MAP4K5: variants seen among roughly 807,000 people sequenced by gnomAD.
The protein encoded by MAP4K5 is mitogen-activated protein kinase kinase kinase kinase 5.
A neutral mutation model predicts 135.6 loss-of-function variants in MAP4K5; 82 were observed. That is an observed-to-expected ratio of 0.60 (90% CI 0.51 to 0.73). MAP4K5 has a LOEUF of 0.73. Ranked by LOEUF, MAP4K5 falls within the 30% of genes least tolerant of loss-of-function variation. The probability of loss-of-function intolerance (pLI) is 0.00; values close to 1 mark genes in which losing one functional copy is unlikely to be tolerated. For synonymous variants in MAP4K5, 347 were observed against 335.0 expected (o/e 1.04, Z -0.39); for missense variants, 907 against 1,010.9 (o/e 0.90, Z 1.39).
chr14:50,480,403 CTT>C (rs11412178), intron 6 of MAP4K5, among the ~76,000 whole-genome samples: 4 of 143,350 alleles, frequency 2.8e-5, no homozygotes, highest in African/African-American at 2.6e-5. Context: ...CTCATTCTTT[CTT>C]TTTTTTTTTT....
intron 25 of MAP4K5, 135 bp downstream of exon 25, chr14:50,437,759 C>A (rs2036129796): frequency 2.9e-6 from 2 of 681,182 alleles, no homozygotes; most frequent in Non-Finnish European, 5.0e-6. Context: ...TTCAGCTTTT[C>A]CAGATATAAT....
rs541839357 is a variant in MAP4K5, at chr14:50,517,443, C to T, written c.109-12586G>A. Among the ~76,000 whole-genome samples, 18 of 151,790 alleles carry T rather than the reference C, an allele frequency of 1.2e-4. No homozygotes were observed. In the East Asian group the frequency reaches 2.8e-3, roughly 23 times the overall value. On this transcript the variant is annotated intron_variant, in intron 2 of 32. Coordinates refer to ENST00000682126, the MANE Select transcript of MAP4K5 (RefSeq NM_006575.6). ...CTGGGATTACAGGAATGAGCCACCG[C>T]GCCCAGCCTACAATATTTTTAAGTT...
At chr14:50,442,564 G>A (rs968031624) in intron 21 of MAP4K5, among the ~76,000 whole-genome samples, 168 bp downstream of exon 21, 2 of 151,884 alleles carry the variant, frequency 1.3e-5, no homozygotes, top group Admixed American at 1.3e-4. Flanking sequence ...AAATTTTAAC[G>A]CCTTTAAACC....
chr14:50,489,950 T>C (rs945885754), intron 3 of MAP4K5, among the ~76,000 whole-genome samples: 1 of 152,130 alleles, frequency 6.6e-6, no homozygotes, highest in Non-Finnish European at 1.5e-5. Context: ...AGACCGAAAG[T>C]ACAGGTTGTT....
intron 18 of MAP4K5, 142 bp downstream of exon 18, chr14:50,444,899 A>G (rs2036307823): frequency 4.5e-6 from 4 of 880,650 alleles, no homozygotes; most frequent in Non-Finnish European, 6.7e-6. Context: ...GCTTTAAGCT[A>G]TAATAGGATT....
intron 28 of MAP4K5, among the ~76,000 whole-genome samples, chr14:50,429,516 G>C (rs942465777): frequency 2.6e-5 from 4 of 152,100 alleles, no homozygotes; most frequent in Admixed American, 2.0e-4. Context: ...ATCTACAAAG[G>C]TGAATCACAA....
At chr14:50,521,249 C>G (rs1019349752) in intron 2 of MAP4K5, among the ~76,000 whole-genome samples, 1 of 152,148 alleles carries the variant, frequency 6.6e-6, no homozygotes, top group African/African-American at 2.4e-5. Flanking sequence ...TAAAGTTTTA[C>G]GTATTGAAAT....
chr14:50,559,178 G>A (rs1395093166), intron 1 of MAP4K5: 2 of 152,234 alleles, frequency 1.3e-5, no homozygotes, highest in African/African-American at 4.8e-5. Context: ...TGTAGCGTGA[G>A]GAGTTGCTTA....
chr14:50,548,667 G>A (rs534035513), intron 1 of MAP4K5, among the ~76,000 whole-genome samples: 18 of 152,092 alleles, frequency 1.2e-4, no homozygotes, highest in African/African-American at 3.9e-4. Context: ...ACACCGCCAC[G>A]CCCAGCTAAT....
chr14:50,461,544 T>G (rs2036711720), intron 13 of MAP4K5, among the ~76,000 whole-genome samples: 1 of 152,114 alleles, frequency 6.6e-6, no homozygotes, highest in Non-Finnish European at 1.5e-5. Context: ...AAAATATAGC[T>G]GTGCTATAGT....
intron 14 of MAP4K5, among the ~76,000 whole-genome samples, chr14:50,455,566 T>A (rs1489602537): frequency 6.6e-6 from 1 of 152,044 alleles, no homozygotes; most frequent in Non-Finnish European, 1.5e-5. Context: ...AAAGGCCTGA[T>A]TGAAACAACT....
chr14:50,535,957 G>T (rs1030270636), upstream of MAP4K5, among the ~76,000 whole-genome samples: 1 of 152,204 alleles, frequency 6.6e-6, no homozygotes, highest in East Asian at 1.9e-4. Context: ...GTTTTAAAAA[G>T]AGGAGTTCCC....
chr14:50,555,030 A>T (rs565682742), intron 1 of MAP4K5, among the ~76,000 whole-genome samples: 1 of 152,304 alleles, frequency 6.6e-6, no homozygotes, highest in African/African-American at 2.4e-5. Flanking sequence ...TATACGGTAT[A>T]TTTATCAATG....
chr14:50,471,307 C>CAGAATATATAT (rs2036956197), intron 9 of MAP4K5, among the ~76,000 whole-genome samples: 2 of 151,938 alleles, frequency 1.3e-5, no homozygotes, highest in Non-Finnish European at 2.9e-5. Context: ...ACACATTATT[C>CAGAATATATAT]AGAATATATA....
intron 2 of MAP4K5, among the ~76,000 whole-genome samples, chr14:50,529,702 G>C (rs558571299): frequency 6.6e-6 from 1 of 152,174 alleles, no homozygotes; most frequent in Non-Finnish European, 1.5e-5. Context: ...AGGAAAAAAA[G>C]ATCGGGAGGA....
At chr14:50,504,322 T>G (rs779452616) in intron 3 of MAP4K5, among the ~76,000 whole-genome samples, 1 of 152,102 alleles carries the variant, frequency 6.6e-6, no homozygotes, top group Non-Finnish European at 1.5e-5. Flanking sequence ...TAGTTTTATT[T>G]GCAAAGCAAA....
intron 13 of MAP4K5, among the ~76,000 whole-genome samples, chr14:50,458,334 T>C (rs2036635465): frequency 1.3e-5 from 2 of 152,288 alleles, no homozygotes; most frequent in Middle Eastern, 6.8e-3. Flanking sequence ...ACAGTATTCA[T>C]GAGCATTTAA....
intron 10 of MAP4K5, among the ~76,000 whole-genome samples, chr14:50,467,831 C>T (rs182965585): frequency 3.3e-5 from 5 of 152,120 alleles, no homozygotes; most frequent in East Asian, 1.9e-4. Flanking sequence ...AATAGATTCC[C>T]GTATCTGGTA....
At chr14:50,542,477 A>G (rs994394078) in intron 2 of MAP4K5, 2 of 152,154 alleles carry the variant, frequency 1.3e-5, no homozygotes, top group African/African-American at 4.8e-5. Context: ...AATAAAAGAA[A>G]ATAAAAGAAA....
Sources: allele counts gnomAD v4.1 joint callset (sites outside exome capture counted in the v4.1 genomes callset), GRCh38; gene constraint gnomAD v4.1.1; transcripts MANE v1.5; gene names NCBI Gene and HGNC (gene_info 2026-07-23, HGNC 2026-07-21).